Variants in AVPI1 observed in about 807,000 individuals in gnomAD.
AVPI1 encodes the protein arginine vasopressin-induced protein 1.
A neutral mutation model predicts 11.9 loss-of-function variants in AVPI1; 9 were observed. The observed-to-expected ratio is 0.76, with a 90% CI of 0.46 to 1.32. AVPI1 has a LOEUF of 1.32. Among genes scored for constraint, AVPI1 ranks in the 40% most tolerant of loss-of-function variants. The probability of loss-of-function intolerance (pLI) is 0.00; values close to 1 mark genes in which losing one functional copy is unlikely to be tolerated. For missense variants in AVPI1, 207 were observed against 195.8 expected, an observed-to-expected ratio of 1.06 and a Z score of -0.34; for synonymous variants, 68 against 78.1, an observed-to-expected ratio of 0.87 and a Z score of 0.68.
At chr10:97,678,970 T>TCA (rs1288061010) in intron 2 of AVPI1, among the ~76,000 whole-genome samples, 3 of 85,618 alleles carry the variant, frequency 3.5e-5, no homozygotes, top group Non-Finnish European at 2.4e-5. Context: ...TGTGTGTGTG[T>TCA]GTGTGTGTGT....
chr10:97,678,947 G>C lies in AVPI1; in HGVS notation c.287+672C>G, dbSNP rs1564779874. On this transcript the variant is annotated intron_variant, in intron 2 of 2. Coordinates refer to ENST00000370626, the MANE Select transcript of AVPI1 (RefSeq NM_021732.3). ...TGTGTGTGTGTGTGTGTGTGTGTGTGTGTGTGTGTGTGTGTGTGTGTGTGT... is the reference window on the plus strand; with the variant it reads ...TGTGTGTGTGTGTGTGTGTGTGTGTCTGTGTGTGTGTGTGTGTGTGTGTGT... Among the ~76,000 whole-genome samples the C allele has an allele frequency of 1.8e-3, 77 of 41,900 alleles. 10 individuals carry two copies. The highest frequency in any genetic ancestry group is 6.6e-3 in the East Asian group (11 of 1,664). The allele number at this position is 41,900 out of a possible 152,430, so 27.5% of individuals were successfully genotyped here.
At chr10:97,678,956 T>TCA (rs751963367) in intron 2 of AVPI1, among the ~76,000 whole-genome samples, 8,706 of 60,212 alleles carry the variant, frequency 0.14, 1,981 homozygotes, top group South Asian at 0.29. Context: ...TGTGTGTGTG[T>TCA]GTGTGTGTGT....
intron 1 of AVPI1, 85 bp from the exon 2 acceptor site, chr10:97,680,000 T>C (rs1216968560): frequency 4.7e-6 from 6 of 1,289,224 alleles, no homozygotes; most frequent in Non-Finnish European, 6.2e-6. Flanking sequence ...GGGCTTCTGA[T>C]GTTTCCATTC....
intron 1 of AVPI1, among the ~76,000 whole-genome samples, chr10:97,683,623 G>C (rs1258163645): frequency 1.3e-5 from 2 of 152,270 alleles, no homozygotes; most frequent in Non-Finnish European, 2.9e-5. Context: ...TGGAGGCAGG[G>C]GTGGAGCTGT....
intron 1 of AVPI1, among the ~76,000 whole-genome samples, chr10:97,683,102 TAC>T (rs1199269405): frequency 6.6e-6 from 1 of 152,204 alleles, no homozygotes; most frequent in Non-Finnish European, 1.5e-5. Flanking sequence ...CAAATATGAG[TAC>T]CAGTGGCTTA....
chr10:97,683,953 G>A (rs1425084188), intron 1 of AVPI1, among the ~76,000 whole-genome samples: 1 of 151,858 alleles, frequency 6.6e-6, no homozygotes, highest in Admixed American at 6.6e-5. Flanking sequence ...AATTCCACCC[G>A]CAGGTAAGTC....
intron 2 of AVPI1, among the ~76,000 whole-genome samples, chr10:97,679,308 C>T (rs2041689880): frequency 6.6e-6 from 1 of 151,880 alleles, no homozygotes. Context: ...CCACACCCAG[C>T]TAATTTTTGT....
At chr10:97,685,724 G>C (rs771857898) in intron 1 of AVPI1, among the ~76,000 whole-genome samples, 4 of 152,140 alleles carry the variant, frequency 2.6e-5, no homozygotes, top group Admixed American at 6.6e-5. Flanking sequence ...CGCTGTGTGG[G>C]CTTCCCCACC....
chr10:97,680,198 C>T (rs1385958805), intron 1 of AVPI1, among the ~76,000 whole-genome samples: 3 of 152,188 alleles, frequency 2.0e-5, no homozygotes, highest in Non-Finnish European at 2.9e-5. Context: ...CACAAAGCCA[C>T]GTGCACATGC....
At position 97,679,656 on chromosome 10, in the gene AVPI1, G is replaced by A. The variant is rs1186081132; in HGVS notation, c.250C>T (p.Pro84Ser). Reference sequence around the variant, plus strand: ...CAGTGGTGTAGCGAGTGGCCCAGGGGTTTCTGCCTTGGGGGCCTCTTCCTG... The same window carrying A: ...CAGTGGTGTAGCGAGTGGCCCAGGGATTTCTGCCTTGGGGGCCTCTTCCTG... ...LRRKRPPRQK[P>S]LGHSLHHCSR... The change falls in exon 2 of 3, where the codon CCC (proline) becomes TCC (serine). Residue 84 changes from proline to serine, a missense_variant. Transcript: ENST00000370626. The A allele has an allele frequency of 6.2e-7, 1 of 1,613,730 alleles. No individual in the cohort carries two copies. Among genetic ancestry groups the A allele is most frequent in the African/African-American group, 1.3e-5 (1 of 74,940 alleles).
chr10:97,686,471 T>C (rs2041729456), intron 1 of AVPI1, among the ~76,000 whole-genome samples: 1 of 152,110 alleles, frequency 6.6e-6, no homozygotes, highest in Non-Finnish European at 1.5e-5. Context: ...TTATACCCAT[T>C]TTACAGATGA....
chr10:97,681,336 C>A (rs1225056914), intron 1 of AVPI1, among the ~76,000 whole-genome samples: 1 of 152,012 alleles, frequency 6.6e-6, no homozygotes, highest in Admixed American at 6.6e-5. Flanking sequence ...GTAATCCCAG[C>A]ACTTTGGGAG....
intron 1 of AVPI1, among the ~76,000 whole-genome samples, chr10:97,683,629 G>C (rs149676476): frequency 2.0e-3 from 307 of 152,362 alleles, no homozygotes; most frequent in African/African-American, 7.0e-3. Flanking sequence ...CAGGGGTGGA[G>C]CTGTGGAATT....
chr10:97,677,907 AC>A lies in AVPI1; in HGVS notation c.405del (p.Lys135AsnfsTer34), dbSNP rs1259732759. ...TGGTGGAGGTAGCTTGTGGGGCCTGACTTCCTCCAGTTCCGGCGGATCCTGG... is the reference window on the plus strand; with the variant it reads ...TGGTGGAGGTAGCTTGTGGGGCCTGATTCCTCCAGTTCCGGCGGATCCTGG... ...KSARIRRNWR[K>X]SGPTSYLHQI... On this transcript the variant is annotated frameshift_variant, in exon 3 of 3. Coordinates refer to ENST00000370626, the MANE Select transcript of AVPI1 (RefSeq NM_021732.3). LOFTEE classifies it high-confidence loss of function. 2 of 1,614,118 alleles carry A rather than the reference AC, an allele frequency of 1.2e-6. No homozygotes were observed. Among genetic ancestry groups the A allele is most frequent in the East Asian group, 4.5e-5 (2 of 44,882 alleles).
At position 97,687,226 on chromosome 10, in the gene AVPI1, G is replaced by C. The variant is rs2041737799; in HGVS notation, c.-471C>G. On this transcript the variant is annotated 5_prime_UTR_variant, in exon 1 of 3. Coordinates refer to ENST00000370626, the MANE Select transcript of AVPI1 (RefSeq NM_021732.3). ...CCTAGCCCCGGAACAGCCAATCCTC[G>C]GCCCTAGCCAGGTATGAGCTCCCAG... 1 of 152,398 alleles carries C rather than the reference G, an allele frequency of 6.6e-6. No homozygotes were observed. Among genetic ancestry groups the C allele is most frequent in the Non-Finnish European group, 1.5e-5 (1 of 68,174 alleles). The allele number at this position is 152,398 out of a possible 1,614,324, so 9.4% of individuals were successfully genotyped here. A position where few individuals can be genotyped will look rare whatever the true frequency, so the allele number is the denominator to read the frequency against.
chr10:97,683,952 C>T (rs745432063), intron 1 of AVPI1, among the ~76,000 whole-genome samples: 5 of 151,852 alleles, frequency 3.3e-5, no homozygotes, highest in African/African-American at 4.9e-5. Flanking sequence ...CAATTCCACC[C>T]GCAGGTAAGT....
At chr10:97,678,455 C>A (rs768174800) in intron 2 of AVPI1, among the ~76,000 whole-genome samples, 1 of 152,154 alleles carries the variant, frequency 6.6e-6, no homozygotes, top group Non-Finnish European at 1.5e-5. Context: ...AGAGATGAAG[C>A]CCAGAGCATC....
chr10:97,678,914 T>TTTTCAGAGACAGGATCTCGCC (rs2041683221), intron 2 of AVPI1, among the ~76,000 whole-genome samples: 4 of 10,244 alleles, frequency 3.9e-4, no homozygotes, highest in Admixed American at 1.1e-3. Context: ...TGTGTGTGTG[T>TTTTCAGAGACAGGATCTCGCC]GTGTGTGTGT....
intron 1 of AVPI1, among the ~76,000 whole-genome samples, chr10:97,683,351 G>T (rs1057444802): frequency 6.6e-6 from 1 of 152,102 alleles, no homozygotes; most frequent in African/African-American, 2.4e-5. Context: ...TAAAGACAGG[G>T]TTTCACCATG....
Sources: allele counts gnomAD v4.1 joint callset (sites outside exome capture counted in the v4.1 genomes callset), GRCh38; gene constraint gnomAD v4.1.1; transcripts MANE v1.5; gene names NCBI Gene and HGNC (gene_info 2026-07-23, HGNC 2026-07-21).